DSCAM: variants seen among roughly 807,000 people sequenced by gnomAD.
DSCAM encodes DS cell adhesion molecule, also known as cell adhesion molecule DSCAM.
In DSCAM, 47 loss-of-function variants were observed where a neutral mutation model predicts 217.7. That is an observed-to-expected ratio of 0.22 (90% confidence interval 0.17 to 0.28). The LOEUF (loss-of-function observed/expected upper bound fraction) is 0.28, where lower values mean the gene tolerates loss of function less well. Ranked by LOEUF, DSCAM falls within the 10% of genes least tolerant of loss-of-function variation. The pLI is 1.00. For missense variants in DSCAM, 2,080 were observed against 2,618.3 expected (o/e 0.79, Z 4.49); for synonymous variants, 1,056 against 1,015.3 (o/e 1.04, Z -0.76).
chr21:40,366,610 A>T (rs190913715), intron 4 of DSCAM, among the ~76,000 whole-genome samples: 20 of 152,254 alleles, frequency 1.3e-4, no homozygotes, highest in Non-Finnish European at 2.1e-4. Flanking sequence ...AAACTTTTTT[A>T]AAAATTTTCA....
chr21:40,596,013 G>GT (rs999501488), intron 3 of DSCAM, among the ~76,000 whole-genome samples: 3 of 152,294 alleles, frequency 2.0e-5, no homozygotes, highest in Admixed American at 2.0e-4. Context: ...CTGGCCTGTG[G>GT]TTTTCCTTTG....
At chr21:40,406,924 G>C (rs1223707592) in intron 3 of DSCAM, among the ~76,000 whole-genome samples, 2 of 152,048 alleles carry the variant, frequency 1.3e-5, no homozygotes, top group African/African-American at 4.8e-5. Flanking sequence ...CAGCCTCATA[G>C]GTAGAATCTA....
intron 3 of DSCAM, among the ~76,000 whole-genome samples, chr21:40,546,813 G>A (rs190862783): frequency 6.6e-6 from 1 of 152,220 alleles, no homozygotes; most frequent in Non-Finnish European, 1.5e-5. Flanking sequence ...AAAACCCATA[G>A]AAAAAGAGAA....
intron 6 of DSCAM, among the ~76,000 whole-genome samples, chr21:40,344,285 A>T (rs576051836): frequency 1.3e-5 from 2 of 152,186 alleles, no homozygotes; most frequent in Admixed American, 1.3e-4. Context: ...ATTTACTAAT[A>T]TATTTACCAT....
chr21:40,498,070 A>G (rs1385907596), intron 3 of DSCAM, among the ~76,000 whole-genome samples: 1 of 152,184 alleles, frequency 6.6e-6, no homozygotes, highest in Non-Finnish European at 1.5e-5. Flanking sequence ...AAATCTGCAC[A>G]TGTCATAACC....
At chr21:40,843,455 T>C (rs2092119004) in intron 1 of DSCAM, among the ~76,000 whole-genome samples, 1 of 151,932 alleles carries the variant, frequency 6.6e-6, no homozygotes, top group South Asian at 2.1e-4. Flanking sequence ...TTACATATAA[T>C]AAATCTAATT....
intron 3 of DSCAM, among the ~76,000 whole-genome samples, chr21:40,469,697 C>T (rs183969076): frequency 6.6e-6 from 1 of 151,854 alleles, no homozygotes; most frequent in Non-Finnish European, 1.5e-5. Context: ...AATATGAAGT[C>T]AATAAATACA....
intron 9 of DSCAM, among the ~76,000 whole-genome samples, chr21:40,298,508 A>C (rs920003310): frequency 6.6e-6 from 1 of 152,230 alleles, no homozygotes; most frequent in African/African-American, 2.4e-5. Context: ...ATTCGGAGAC[A>C]AAATGTATTT....
At position 40,039,477 on chromosome 21, in the gene DSCAM, ACAGT is replaced by A. The variant is rs1219331840; in HGVS notation, c.5686+2890_5686+2893del. On this transcript the variant is annotated intron_variant, in intron 32 of 32. Transcript: ENST00000400454. ...TCACAAGCATGATATATTCATTCAT[ACAGT>A]AAGGTTTATGAAGCATCTACTAATG... Among the ~76,000 whole-genome samples, 3 of 152,318 alleles carry A rather than the reference ACAGT, an allele frequency of 2.0e-5. No homozygotes were observed. In the East Asian group the frequency reaches 5.8e-4, roughly 29 times the overall value.
chr21:40,289,240 G>A (rs2073862947), intron 10 of DSCAM, among the ~76,000 whole-genome samples: 1 of 152,208 alleles, frequency 6.6e-6, no homozygotes, highest in African/African-American at 2.4e-5. Flanking sequence ...GAGCATGCAG[G>A]AAGATGAGGG....
At chr21:40,426,314 T>A (rs1477970990) in intron 3 of DSCAM, among the ~76,000 whole-genome samples, 1 of 152,214 alleles carries the variant, frequency 6.6e-6, no homozygotes, top group Non-Finnish European at 1.5e-5. Context: ...ATGGACAGTT[T>A]GTTGGAAAAC....
chr21:40,033,237 T>C lies in DSCAM; in HGVS notation c.5686+9134A>G, dbSNP rs543813015. 3.3e-5 allele frequency among the ~76,000 whole-genome samples: 5 copies of C among 151,980 alleles called. No homozygotes were observed. The East Asian group carries it at 9.7e-4, about 30-fold the overall frequency. On this transcript the variant is annotated intron_variant, in intron 32 of 32. Coordinates refer to ENST00000400454, the MANE Select transcript of DSCAM (RefSeq NM_001389.5). Reference sequence around the variant, plus strand: ...CAGCCTGAGCGACGCAGAAGACGGGTGATTTCGGCATTTCCATCTGAGGTA... The same window carrying C: ...CAGCCTGAGCGACGCAGAAGACGGGCGATTTCGGCATTTCCATCTGAGGTA...
intron 1 of DSCAM, among the ~76,000 whole-genome samples, chr21:40,741,911 C>A (rs141711113): frequency 6.6e-6 from 1 of 152,218 alleles, no homozygotes; most frequent in Non-Finnish European, 1.5e-5. Context: ...ATGAGAATTT[C>A]TACTGTATGC....
At chr21:40,363,124 A>G (rs2074786034) in intron 4 of DSCAM, among the ~76,000 whole-genome samples, 1 of 152,146 alleles carries the variant, frequency 6.6e-6, no homozygotes, top group South Asian at 2.1e-4. Flanking sequence ...TATATTTAAA[A>G]GAATCTACAA....
intron 1 of DSCAM, among the ~76,000 whole-genome samples, chr21:40,777,082 C>G (rs985659136): frequency 6.6e-6 from 1 of 152,096 alleles, no homozygotes; most frequent in Non-Finnish European, 1.5e-5. Context: ...TTCTGGAGGC[C>G]AAGAAGTCTA....
intron 16 of DSCAM, among the ~76,000 whole-genome samples, chr21:40,155,777 C>T (rs1168611914): frequency 6.6e-6 from 1 of 152,150 alleles, no homozygotes; most frequent in African/African-American, 2.4e-5. Context: ...GGCACATCCA[C>T]ATCCACCTCT....
At chr21:40,244,044 G>T (rs2073189113) in intron 11 of DSCAM, among the ~76,000 whole-genome samples, 1 of 152,174 alleles carries the variant, frequency 6.6e-6, no homozygotes, top group African/African-American at 2.4e-5. Context: ...ACAACACAAG[G>T]AGGAGACCAT....
intron 14 of DSCAM, among the ~76,000 whole-genome samples, chr21:40,181,175 C>G (rs189879338): frequency 6.6e-6 from 1 of 152,032 alleles, no homozygotes; most frequent in Non-Finnish European, 1.5e-5. Flanking sequence ...TTGTGTTTTA[C>G]GCCTAAGAAC....
At position 40,085,487 on chromosome 21, in the gene DSCAM, G is replaced by A. The variant is rs866194960; in HGVS notation, c.4132+115C>T. 2.5e-5 allele frequency: 24 copies of A among 941,972 alleles called. No homozygotes were observed. In the African/African-American group the frequency reaches 3.4e-4, roughly 13 times the overall value. The allele number at this position is 941,972 out of a possible 1,614,324, so 58.4% of individuals were successfully genotyped here. A position where few individuals can be genotyped will look rare whatever the true frequency, so the allele number is the denominator to read the frequency against. ...ATGTGTTTTCTTTTTCTGTAATATG[G>A]AAACAGAAGTTAGCTCTTTATAAGG... On this transcript the variant is annotated intron_variant, in intron 23 of 32. Transcript: ENST00000400454.
Sources: allele counts gnomAD v4.1 joint callset (sites outside exome capture counted in the v4.1 genomes callset), GRCh38; gene constraint gnomAD v4.1.1; transcripts MANE v1.5; gene names NCBI Gene and HGNC (gene_info 2026-07-23, HGNC 2026-07-21).